Variants in LIX1 observed in about 807,000 individuals in gnomAD.
LIX1 encodes the protein limb and CNS expressed 1.
In LIX1, 24 loss-of-function variants were observed where a neutral mutation model predicts 33.4. The ratio of observed to expected loss-of-function variants is 0.72; its 90% CI spans 0.52 to 1.01. The LOEUF (loss-of-function observed/expected upper bound fraction) is 1.01. LIX1 is among the 50% of genes least tolerant of loss of function. The pLI, the probability that LIX1 is intolerant of heterozygous loss-of-function variation, is 0.00. For missense variants in LIX1, 311 were observed against 339.2 expected, an observed-to-expected ratio of 0.92 and a Z score of 0.65; for synonymous variants, 124 against 124.0, an observed-to-expected ratio of 1.00 and a Z score of 0.00.
intron 4 of LIX1, among the ~76,000 whole-genome samples, chr5:97,104,105 A>G (rs568224776): frequency 6.6e-6 from 1 of 152,340 alleles, no homozygotes; most frequent in East Asian, 1.9e-4. Context: ...CCATCTGAGA[A>G]GTGGCTGTGC....
chr5:97,112,421 G>A (rs889593229), intron 2 of LIX1, among the ~76,000 whole-genome samples: 2 of 152,210 alleles, frequency 1.3e-5, no homozygotes, highest in African/African-American at 4.8e-5. Context: ...GAAGTATGAT[G>A]TTATTTCAAA....
intron 4 of LIX1, among the ~76,000 whole-genome samples, chr5:97,101,484 A>G (rs1220839803): frequency 6.6e-6 from 1 of 152,198 alleles, no homozygotes; most frequent in Non-Finnish European, 1.5e-5. Flanking sequence ...TGGGCCTGGC[A>G]AATTATCTAG....
chr5:97,100,921 A>C (rs542544968), intron 4 of LIX1, among the ~76,000 whole-genome samples: 62 of 151,358 alleles, frequency 4.1e-4, no homozygotes, highest in African/African-American at 1.2e-3. Context: ...AATATATATA[A>C]ATTTTTTTTT....
intron 2 of LIX1, among the ~76,000 whole-genome samples, chr5:97,112,007 A>G (rs1747422791): frequency 3.3e-5 from 5 of 152,242 alleles, no homozygotes; most frequent in Admixed American, 3.3e-4. Context: ...ATAAGTACAT[A>G]AAATAAAATA....
intron 1 of LIX1, among the ~76,000 whole-genome samples, chr5:97,141,089 A>C (rs1447123086): frequency 6.6e-6 from 1 of 152,000 alleles, no homozygotes; most frequent in Admixed American, 6.6e-5. Flanking sequence ...ATTTGAACTT[A>C]TTAAGTTTTC....
At chr5:97,095,880 TCAAAGG>T (rs990709167) in intron 5 of LIX1, among the ~76,000 whole-genome samples, 8 of 152,170 alleles carry the variant, frequency 5.3e-5, no homozygotes, top group Non-Finnish European at 8.8e-5. Flanking sequence ...CCAGCATATT[TCAAAGG>T]CCTTTTGTAA....
rs184804550 is a variant in LIX1, at chr5:97,106,100, A to G, written c.388-815T>C. 3.2e-4 allele frequency among the ~76,000 whole-genome samples: 48 copies of G among 152,376 alleles called. No homozygotes were observed. The East Asian group carries it at 8.7e-3, about 28-fold the overall frequency. ...TAAATATCCCAGAGGAAATCCATCT[A>G]GAAGCATGCAACCATGTATATTCTG... On this transcript the variant is annotated intron_variant, in intron 3 of 5. Transcript: ENST00000274382.
chr5:97,106,845 G>A (rs1392874770), intron 3 of LIX1, among the ~76,000 whole-genome samples: 7 of 152,144 alleles, frequency 4.6e-5, no homozygotes, highest in Non-Finnish European at 1.0e-4. Context: ...AATTCTAATA[G>A]CTAACACATA....
At position 97,092,628 on chromosome 5, in the gene LIX1, G is replaced by A. The variant is rs1332550747; in HGVS notation, c.*2120C>T. On this transcript the variant is annotated 3_prime_UTR_variant, in exon 6 of 6. Coordinates refer to ENST00000274382, the MANE Select transcript of LIX1 (RefSeq NM_153234.5). ...TCAAGAAAAGCTGACAGTGGCCAAG[G>A]GAGAACCTCTATATTCAATTTACAG... 6.6e-6 allele frequency: 1 copy of A among 152,004 alleles called. No individual in the cohort carries two copies. The highest frequency in any genetic ancestry group is 1.5e-5 in the Non-Finnish European group (1 of 67,928). The allele number at this position is 152,004 out of a possible 1,614,324, so 9.4% of individuals were successfully genotyped here. A position where few individuals can be genotyped will look rare whatever the true frequency, so the allele number is the denominator to read the frequency against.
chr5:97,123,720 A>G (rs1747841697), intron 2 of LIX1, among the ~76,000 whole-genome samples: 1 of 152,204 alleles, frequency 6.6e-6, no homozygotes, highest in South Asian at 2.1e-4. Flanking sequence ...AAGATCTCTT[A>G]TGGTTTGATG....
intron 2 of LIX1, 114 bp downstream of exon 2, chr5:97,124,352 G>T: frequency 1.1e-6 from 1 of 895,488 alleles, no homozygotes; most frequent in Non-Finnish European, 1.7e-6. Context: ...ATAGGATATG[G>T]TACAACTTTG....
intron 1 of LIX1, among the ~76,000 whole-genome samples, chr5:97,134,591 A>G (rs1016316834): frequency 6.6e-6 from 1 of 152,218 alleles, no homozygotes; most frequent in African/African-American, 2.4e-5. Flanking sequence ...GTTATTTCCT[A>G]GTTTTCTTGA....
chr5:97,113,631 G>C (rs529838412), intron 2 of LIX1, among the ~76,000 whole-genome samples: 1 of 152,156 alleles, frequency 6.6e-6, no homozygotes, highest in Non-Finnish European at 1.5e-5. Flanking sequence ...AACAAAACAA[G>C]ATTTGTTTTG....
chr5:97,142,118 T>C (rs1748303572), intron 1 of LIX1, among the ~76,000 whole-genome samples: 1 of 152,242 alleles, frequency 6.6e-6, no homozygotes, highest in African/African-American at 2.4e-5. Context: ...TGTGGAGTAT[T>C]AAACAGGTTA....
At position 97,125,018 on chromosome 5, in the gene LIX1, A is replaced by T. The variant is rs140776999; in HGVS notation, c.83-389T>A. ...ACATTTGTCTTAATAGACTTTATCC[A>T]GAGCTGTGATTATCTGTGGTCCTCT... On this transcript the variant is annotated intron_variant, in intron 1 of 5. Coordinates refer to ENST00000274382, the MANE Select transcript of LIX1 (RefSeq NM_153234.5). 3.4e-3 allele frequency among the ~76,000 whole-genome samples: 516 copies of T among 152,326 alleles called. 12 individuals are homozygous for T. The highest frequency in any genetic ancestry group is 0.03 in the Admixed American group (455 of 15,298).
At chr5:97,107,217 CTGAAAA>C in intron 3 of LIX1, 137 bp downstream of exon 3, 2 of 768,124 alleles carry the variant, frequency 2.6e-6, no homozygotes, top group Non-Finnish European at 4.1e-6. Flanking sequence ...ATTCTGTTTT[CTGAAAA>C]TTAACAATTC....
intron 2 of LIX1, among the ~76,000 whole-genome samples, chr5:97,110,903 T>G (rs537530992): frequency 3.3e-5 from 5 of 152,192 alleles, no homozygotes; most frequent in Non-Finnish European, 7.3e-5. Flanking sequence ...TTTAGACCTC[T>G]TCTAAGTTTT....
intron 4 of LIX1, among the ~76,000 whole-genome samples, chr5:97,099,075 C>T (rs918648708): frequency 2.0e-4 from 30 of 152,156 alleles, no homozygotes; most frequent in African/African-American, 3.6e-4. Flanking sequence ...TCCTTCTGCC[C>T]GCCCCCAGAT....
chr5:97,139,819 C>T (rs1247181858), intron 1 of LIX1, among the ~76,000 whole-genome samples: 1 of 152,100 alleles, frequency 6.6e-6, no homozygotes, highest in Non-Finnish European at 1.5e-5. Context: ...GAATTTATTT[C>T]CTTCTAGAAG....
Sources: allele counts gnomAD v4.1 joint callset (sites outside exome capture counted in the v4.1 genomes callset), GRCh38; gene constraint gnomAD v4.1.1; transcripts MANE v1.5; gene names NCBI Gene and HGNC (gene_info 2026-07-23, HGNC 2026-07-21).